MALRD1: variants seen among roughly 807,000 people sequenced by gnomAD.
MALRD1 encodes MAM and LDL-receptor class A domain-containing protein 1.
A neutral mutation model predicts 242.1 loss-of-function variants in MALRD1; 247 were observed. That is an observed-to-expected ratio of 1.02 (90% CI 0.92 to 1.13). MALRD1 has a LOEUF of 1.13. Ranked by LOEUF, MALRD1 falls within the 50% of genes most tolerant of loss-of-function variation. The probability of loss-of-function intolerance (pLI) is 0.00; values close to 1 mark genes in which losing one functional copy is unlikely to be tolerated. For missense variants in MALRD1, 2,989 were observed against 2,533.1 expected (o/e 1.18, Z -3.86); for synonymous variants, 995 against 866.6 (o/e 1.15, Z -2.60).
At chr10:19,551,418 A>G (rs1835463520) in intron 32 of MALRD1, among the ~76,000 whole-genome samples, 1 of 152,040 alleles carries the variant, frequency 6.6e-6, no homozygotes, top group Non-Finnish European at 1.5e-5. Context: ...TGTTGCTGGT[A>G]TATAGGAACG....
At position 19,367,487 on chromosome 10, in the gene MALRD1, TACC is replaced by T. The variant is rs906915614; in HGVS notation, c.4441+15193_4441+15195del. On this transcript the variant is annotated intron_variant, in intron 26 of 39. Transcript: ENST00000454679. ...TGAATAAGATTGCATTGCATATTTT[TACC>T]ACATTTTCTTTATCCATTCACTTGT... 6.6e-5 allele frequency among the ~76,000 whole-genome samples: 10 copies of T among 152,298 alleles called. No individual in the cohort carries two copies. In the South Asian group the frequency reaches 1.4e-3, roughly 22 times the overall value.
intron 18 of MALRD1, among the ~76,000 whole-genome samples, chr10:19,238,535 TATATATAATATATA>T (rs1233966524): frequency 2.9e-5 from 2 of 69,858 alleles, no homozygotes; most frequent in Non-Finnish European, 5.9e-5. Context: ...TAATATACAT[TATATATAATATATA>T]ATGTATATTA....
At position 19,342,089 on chromosome 10, in the gene MALRD1, G is replaced by A. The variant is rs142558312; in HGVS notation, c.3902-5682G>A. ...GTATAATTGTTACTTTTTGCAGTAA[G>A]TTTATATTACGTATATTATTTATTT... On this transcript the variant is annotated intron_variant, in intron 24 of 39. Transcript: ENST00000454679. Among the ~76,000 whole-genome samples the A allele has an allele frequency of 3.5e-3, 539 of 152,174 alleles. 4 individuals are homozygous for A. Among genetic ancestry groups the A allele is most frequent in the African/African-American group, 0.013 (521 of 41,552 alleles).
intron 36 of MALRD1, among the ~76,000 whole-genome samples, chr10:19,681,169 C>T (rs1589393300): frequency 6.6e-6 from 1 of 151,956 alleles, no homozygotes; most frequent in East Asian, 1.9e-4. Flanking sequence ...TCTTGATTTC[C>T]TGAATTTGAA....
chr10:19,422,746 T>A (rs1332620328), intron 28 of MALRD1, among the ~76,000 whole-genome samples: 1 of 152,210 alleles, frequency 6.6e-6, no homozygotes, highest in Admixed American at 6.5e-5. Flanking sequence ...TGTCTGAGTT[T>A]TCATTTCCCC....
At chr10:19,054,992 C>A (rs1834619677) in intron 1 of MALRD1, among the ~76,000 whole-genome samples, 1 of 152,092 alleles carries the variant, frequency 6.6e-6, no homozygotes, top group Admixed American at 6.5e-5. Context: ...TCCATAATGA[C>A]AATACTAATT....
intron 38 of MALRD1, among the ~76,000 whole-genome samples, chr10:19,696,355 G>C (rs190614758): frequency 1.8e-4 from 28 of 152,212 alleles, no homozygotes; most frequent in Admixed American, 1.6e-3. Context: ...AGAAATTAAA[G>C]ATATACATCA....
chr10:19,605,510 T>C (rs535218612), intron 34 of MALRD1, among the ~76,000 whole-genome samples: 21 of 148,426 alleles, frequency 1.4e-4, no homozygotes, highest in Admixed American at 1.1e-3. Context: ...TTTTGGTTTA[T>C]CTGTGCTACT....
intron 26 of MALRD1, among the ~76,000 whole-genome samples, chr10:19,365,899 C>T (rs1161542208): frequency 6.6e-6 from 1 of 151,954 alleles, no homozygotes; most frequent in African/African-American, 2.4e-5. Flanking sequence ...TACTGCCCTC[C>T]ACCCCAGCAC....
At chr10:19,203,578 A>C (rs1391121000) in intron 14 of MALRD1, 150 bp from the exon 15 acceptor site, 4 of 729,518 alleles carry the variant, frequency 5.5e-6, no homozygotes, top group Non-Finnish European at 8.2e-6. Context: ...CAAATGAGAA[A>C]GGATCTTTTT....
chr10:19,441,522 G>A (rs773194431), intron 28 of MALRD1, among the ~76,000 whole-genome samples: 1 of 152,168 alleles, frequency 6.6e-6, no homozygotes, highest in African/African-American at 2.4e-5. Flanking sequence ...TTCGTATAAG[G>A]TGTGAGGAAG....
At chr10:19,290,246 T>A (rs1841343428) in intron 21 of MALRD1, 4 of 152,202 alleles carry the variant, frequency 2.6e-5, no homozygotes, top group Admixed American at 2.6e-4. Flanking sequence ...GCATCTTTAT[T>A]TTTTATATGT....
intron 13 of MALRD1, among the ~76,000 whole-genome samples, chr10:19,170,085 AT>A (rs1834859661): frequency 6.6e-6 from 1 of 152,164 alleles, no homozygotes; most frequent in Non-Finnish European, 1.5e-5. Context: ...TAGGTAGGGC[AT>A]TTGCTCTTCC....
chr10:19,153,892 C>T (rs1652455100), intron 11 of MALRD1, among the ~76,000 whole-genome samples: 1 of 152,052 alleles, frequency 6.6e-6, no homozygotes, highest in Middle Eastern at 3.4e-3. Flanking sequence ...TTTGTATATT[C>T]TTTTGAATGA....
intron 26 of MALRD1, among the ~76,000 whole-genome samples, chr10:19,355,565 G>A (rs974013528): frequency 2.6e-5 from 4 of 151,100 alleles, no homozygotes; most frequent in South Asian, 2.1e-4. Flanking sequence ...AAATTGAGAC[G>A]AGATACTGCA....
chr10:19,290,772 C>G (rs968674063), intron 21 of MALRD1, among the ~76,000 whole-genome samples: 2 of 152,072 alleles, frequency 1.3e-5, no homozygotes, highest in African/African-American at 4.8e-5. Flanking sequence ...ATCATTGAAT[C>G]AAGATACTTG....
intron 21 of MALRD1, among the ~76,000 whole-genome samples, chr10:19,315,161 G>A (rs12219641): frequency 3.2e-5 from 4 of 125,430 alleles, no homozygotes; most frequent in African/African-American, 6.0e-5. Context: ...ATAGAAATAT[G>A]TAAATATAAT....
At chr10:19,550,165 G>A (rs1465612989) in intron 32 of MALRD1, among the ~76,000 whole-genome samples, 1 of 152,078 alleles carries the variant, frequency 6.6e-6, no homozygotes, top group African/African-American at 2.4e-5. Flanking sequence ...CAGCTGAATT[G>A]TAGATTGTTA....
chr10:19,581,835 A>G (rs1837142184), intron 33 of MALRD1, among the ~76,000 whole-genome samples: 1 of 151,762 alleles, frequency 6.6e-6, no homozygotes, highest in Non-Finnish European at 1.5e-5. Context: ...CAGTCCCACC[A>G]ACAGTGTAAA....
Sources: allele counts gnomAD v4.1 joint callset (sites outside exome capture counted in the v4.1 genomes callset), GRCh38; gene constraint gnomAD v4.1.1; transcripts MANE v1.5; gene names NCBI Gene and HGNC (gene_info 2026-07-23, HGNC 2026-07-21).